FHIT: variants seen among roughly 807,000 people sequenced by gnomAD.
FHIT encodes the protein bis(5'-adenosyl)-triphosphatase.
In FHIT, 19 loss-of-function variants were observed where a neutral mutation model predicts 17.9. That is an observed-to-expected ratio of 1.06 (90% CI 0.74 to 1.56). The LOEUF is 1.56. FHIT is among the 40% of genes most tolerant of loss of function. FHIT has a pLI of 0.00. For missense variants in FHIT, 248 were observed against 189.2 expected (o/e 1.31, Z -1.82); for synonymous variants, 81 against 69.7 (o/e 1.16, Z -0.81).
At chr3:60,919,867 C>G (rs1707189435) in intron 3 of FHIT, among the ~76,000 whole-genome samples, 1 of 152,062 alleles carries the variant, frequency 6.6e-6, no homozygotes, top group Non-Finnish European at 1.5e-5. Flanking sequence ...AACCCCATCT[C>G]TACTAAAAAT....
chr3:60,558,238 T>G (rs901937100), intron 4 of FHIT, among the ~76,000 whole-genome samples: 9 of 151,996 alleles, frequency 5.9e-5, no homozygotes, highest in Non-Finnish European at 1.3e-4. Flanking sequence ...AAGCATAATG[T>G]CAACCAATCT....
At chr3:60,486,936 T>C (rs991808448) in intron 5 of FHIT, among the ~76,000 whole-genome samples, 1 of 152,128 alleles carries the variant, frequency 6.6e-6, no homozygotes, top group Admixed American at 6.5e-5. Context: ...TTTCAACAAC[T>C]TTGGGAGTGA....
At chr3:60,920,055 A>G (rs1553768007) in intron 3 of FHIT, among the ~76,000 whole-genome samples, 1 of 152,124 alleles carries the variant, frequency 6.6e-6, no homozygotes, top group Non-Finnish European at 1.5e-5. Context: ...AAAAGAGTGC[A>G]TATAGCATGG....
At chr3:61,168,152 G>T (rs1245024592) in intron 2 of FHIT, among the ~76,000 whole-genome samples, 1 of 152,164 alleles carries the variant, frequency 6.6e-6, no homozygotes, top group African/African-American at 2.4e-5. Flanking sequence ...ATAAAACTCA[G>T]ATTTCCATAC....
chr3:61,070,266 G>C (rs556358015), intron 2 of FHIT, among the ~76,000 whole-genome samples: 1 of 152,282 alleles, frequency 6.6e-6, no homozygotes, highest in Non-Finnish European at 1.5e-5. Flanking sequence ...ATGTGTGAAA[G>C]AATGAATAAA....
At chr3:61,044,464 C>G (rs1296947256) in intron 2 of FHIT, among the ~76,000 whole-genome samples, 1 of 152,124 alleles carries the variant, frequency 6.6e-6, no homozygotes, top group African/African-American at 2.4e-5. Context: ...ACAAAGCCTC[C>G]AAGTAATACG....
intron 5 of FHIT, among the ~76,000 whole-genome samples, chr3:60,263,262 T>A (rs931078697): frequency 6.6e-6 from 1 of 151,980 alleles, no homozygotes; most frequent in African/African-American, 2.4e-5. Flanking sequence ...TGAAAACTGA[T>A]ATAACCATTT....
intron 9 of FHIT, chr3:59,751,477 G>A: frequency 4.8e-6 from 1 of 208,108 alleles, no homozygotes; most frequent in Admixed American, 5.9e-5. Context: ...TGTGAACTGA[G>A]ACTAGGAGGG....
intron 5 of FHIT, among the ~76,000 whole-genome samples, chr3:60,195,121 G>T (rs544533142): frequency 6.6e-6 from 1 of 151,960 alleles, no homozygotes; most frequent in Non-Finnish European, 1.5e-5. Context: ...AGCCAAGATC[G>T]CGCCATTCCA....
chr3:61,208,845 C>T (rs979925583), intron 1 of FHIT, among the ~76,000 whole-genome samples: 12 of 152,052 alleles, frequency 7.9e-5, no homozygotes, highest in Middle Eastern at 3.4e-3. Flanking sequence ...ATGTGTGAAT[C>T]TGATCCTGTC....
intron 4 of FHIT, among the ~76,000 whole-genome samples, chr3:60,547,585 CA>C (rs1259059221): frequency 6.6e-6 from 1 of 152,066 alleles, no homozygotes; most frequent in African/African-American, 2.4e-5. Context: ...ACTTTTCAGC[CA>C]TAAAAGGTAG....
chr3:61,139,864 G>C (rs1433983392), intron 2 of FHIT, among the ~76,000 whole-genome samples: 1 of 152,026 alleles, frequency 6.6e-6, no homozygotes, highest in Non-Finnish European at 1.5e-5. Context: ...ACTGAGCACA[G>C]TCATTTGAAA....
intron 2 of FHIT, among the ~76,000 whole-genome samples, chr3:61,181,525 C>T (rs535164833): frequency 2.4e-4 from 36 of 152,238 alleles, no homozygotes; most frequent in African/African-American, 8.4e-4. Flanking sequence ...GAAGAGAGCC[C>T]AGGATGTCAC....
At chr3:60,366,743 G>A (rs967702543) in intron 5 of FHIT, among the ~76,000 whole-genome samples, 1 of 152,134 alleles carries the variant, frequency 6.6e-6, no homozygotes, top group African/African-American at 2.4e-5. Flanking sequence ...CCAGAATCAT[G>A]AGCTGTATAA....
At chr3:60,795,626 C>G (rs1553730057) in intron 4 of FHIT, among the ~76,000 whole-genome samples, 1 of 152,044 alleles carries the variant, frequency 6.6e-6, no homozygotes, top group Non-Finnish European at 1.5e-5. Context: ...GTGATCCTCC[C>G]ACCTTAGCCT....
chr3:60,168,434 G>T (rs1195374008), intron 5 of FHIT, among the ~76,000 whole-genome samples: 1 of 152,138 alleles, frequency 6.6e-6, no homozygotes, highest in Non-Finnish European at 1.5e-5. Flanking sequence ...ATCTGAGCTT[G>T]CCAGCTCCAA....
intron 5 of FHIT, among the ~76,000 whole-genome samples, chr3:60,423,386 T>A (rs1702546915): frequency 6.6e-6 from 1 of 152,070 alleles, no homozygotes; most frequent in African/African-American, 2.4e-5. Flanking sequence ...ATAACCAACA[T>A]ACCCAGTCAA....
chr3:60,239,951 TCA>T (rs986980714), intron 5 of FHIT, among the ~76,000 whole-genome samples: 1 of 152,126 alleles, frequency 6.6e-6, no homozygotes, highest in Non-Finnish European at 1.5e-5. Context: ...TCCCTAAGCC[TCA>T]GTTTCTCACA....
chr3:60,075,688 G>C (rs568429395), intron 5 of FHIT, among the ~76,000 whole-genome samples: 1 of 151,922 alleles, frequency 6.6e-6, no homozygotes, highest in African/African-American at 2.4e-5. Flanking sequence ...CAAAGATCCT[G>C]TTTGTTTACC....
Sources: allele counts gnomAD v4.1 joint callset (sites outside exome capture counted in the v4.1 genomes callset), GRCh38; gene constraint gnomAD v4.1.1; transcripts MANE v1.5; gene names NCBI Gene and HGNC (gene_info 2026-07-23, HGNC 2026-07-21).